Variants in ZNF853 observed in about 807,000 individuals in gnomAD.
The protein encoded by ZNF853 is zinc finger protein 853.
ZNF853 carries 57 observed loss-of-function variants against 94.7 expected under a neutral mutation model. The observed-to-expected ratio is 0.60, with a 90% confidence interval of 0.49 to 0.75. The LOEUF is 0.75. ZNF853 is among the 30% of genes least tolerant of loss of function. The pLI is 0.00. For synonymous variants in ZNF853, 448 were observed against 406.3 expected (o/e 1.10, Z -1.23); for missense variants, 785 against 868.9 (o/e 0.90, Z 1.21).
intron 2 of ZNF853, among the ~76,000 whole-genome samples, chr7:6,619,707 TG>T: frequency 6.6e-6 from 1 of 152,188 alleles, no homozygotes; most frequent in Non-Finnish European, 1.5e-5. Flanking sequence ...AAATCAGAGT[TG>T]GGAACGGAGA....
chr7:6,622,899 G>T lies in ZNF853; in HGVS notation c.1908G>T (p.Pro636=). The change falls in exon 3 of 3, where the codon CCG becomes CCT. Residue 636 remains proline, a synonymous_variant. Coordinates refer to ENST00000457543, the MANE Select transcript of ZNF853 (RefSeq NM_017560.3). ...TCGGCCTGCTGCGCGCCTCGCGGCC[G>T]GCGGCCCTCGGTGGCCCAGCCCGCG... ...RGLGLLRASR[P]AALGGPARAE... is the part of the protein sequence containing the mutation. 2.4e-6 allele frequency: 3 copies of T among 1,253,852 alleles called. No individual in the cohort carries two copies. Among genetic ancestry groups the T allele is most frequent in the South Asian group, 2.7e-5 (1 of 37,452 alleles). 77.7% of individuals were successfully genotyped at this position (1,253,852 alleles called of 1,614,324 possible).
chr7:6,623,622 C>G lies in ZNF853; in HGVS notation c.*651C>G, dbSNP rs1464868879. The G allele has an allele frequency of 7.4e-5, 24 of 325,598 alleles. No individual in the cohort carries two copies. The highest frequency in any genetic ancestry group is 8.1e-4 in the Middle Eastern group (1 of 1,228). 20.2% of individuals were successfully genotyped at this position (325,598 alleles called of 1,614,324 possible). A position where few individuals can be genotyped will look rare whatever the true frequency, so the allele number is the denominator to read the frequency against. On this transcript the variant is annotated 3_prime_UTR_variant, in exon 3 of 3. Coordinates refer to ENST00000457543, the MANE Select transcript of ZNF853 (RefSeq NM_017560.3). ...AAATCCAAGCCAGGAAGTCCTGCTC[C>G]GGGTGGAAGGTAAAACCTTCCCTCC...
At chr7:6,617,404 C>T in intron 2 of ZNF853, 97 bp downstream of exon 2, 2 of 1,003,078 alleles carry the variant, frequency 2.0e-6, no homozygotes, top group Non-Finnish European at 1.4e-6. Flanking sequence ...AGACTCACAC[C>T]AGCCAACCTC....
chr7:6,622,514 C>A lies in ZNF853; in HGVS notation c.1523C>A (p.Thr508Lys). 1 of 1,547,494 alleles carries A rather than the reference C, an allele frequency of 6.5e-7. No homozygotes were observed. Among genetic ancestry groups the A allele is most frequent in the Non-Finnish European group, 8.7e-7 (1 of 1,146,178 alleles). ...CTGGTGCGCCACCAGGCCACGCACA[C>A]GGGTGAGCGGCCACACCGCTGCGGC... ...TDLVRHQATH[T>K]GERPHRCGEC... Residue 508 changes from threonine (T) to lysine (K), a missense_variant, in exon 3 of 3, where the codon ACG (threonine) becomes AAG (lysine). Transcript: ENST00000457543.
At position 6,622,231 on chromosome 7, in the gene ZNF853, G is replaced by A. The variant is rs1039425104; in HGVS notation, c.1240G>A (p.Glu414Lys). The change falls in exon 3 of 3, where the codon GAA (glutamate) becomes AAA (lysine). Residue 414 changes from glutamate (E) to lysine (K), a missense_variant. Glu to Lys is a moderately conservative substitution (Grantham distance 56, BLOSUM62 1). Transcript: ENST00000457543. ...LTPVQPELQL[E>K]LVPAAGGGGA... is the part of the protein sequence containing the mutation. ...CCCCGTGCAGCCGGAGCTGCAGCTGGAACTGGTGCCAGCCGCAGGGGGCGG... is the reference window on the plus strand; with the variant it reads ...CCCCGTGCAGCCGGAGCTGCAGCTGAAACTGGTGCCAGCCGCAGGGGGCGG... The A allele has an allele frequency of 4.0e-5, 61 of 1,531,174 alleles. No homozygotes were observed. Among genetic ancestry groups the A allele is most frequent in the Non-Finnish European group, 5.2e-5 (60 of 1,143,178 alleles). 94.8% of individuals were successfully genotyped at this position (1,531,174 alleles called of 1,614,324 possible). A position where few individuals can be genotyped will look rare whatever the true frequency, so the allele number is the denominator to read the frequency against.
chr7:6,622,300 C>G lies in ZNF853; in HGVS notation c.1309C>G (p.Pro437Ala). Residue 437 changes from proline (P) to alanine (A), a missense_variant, in exon 3 of 3, where the codon CCC (proline) becomes GCC (alanine). Coordinates refer to ENST00000457543, the MANE Select transcript of ZNF853 (RefSeq NM_017560.3). ...PGAPAAVVVA[P>A]PGYVVVQELM... ...GGCTCCGGCCGCGGTCGTGGTGGCT[C>G]CCCCGGGCTACGTGGTGGTGCAGGA... 6.6e-7 allele frequency: 1 copy of G among 1,506,668 alleles called. No homozygotes were observed. The highest frequency in any genetic ancestry group is 8.8e-7 in the Non-Finnish European group (1 of 1,134,346). The allele number at this position is 1,506,668 out of a possible 1,614,324, so 93.3% of individuals were successfully genotyped here. A position where few individuals can be genotyped will look rare whatever the true frequency, so the allele number is the denominator to read the frequency against.
chr7:6,617,396 A>ACT, intron 2 of ZNF853, 89 bp downstream of exon 2: 2 of 1,090,600 alleles, frequency 1.8e-6, no homozygotes, highest in Non-Finnish European at 2.5e-6. Flanking sequence ...GCCTGCACAG[A>ACT]CTCACACCAG....
chr7:6,615,806 G>C lies in ZNF853; in HGVS notation c.-369G>C, dbSNP rs1215988590. On this transcript the variant is annotated 5_prime_UTR_variant, in exon 1 of 3. Coordinates refer to ENST00000457543, the MANE Select transcript of ZNF853 (RefSeq NM_017560.3). The surrounding 1 kb of genome is among the most constrained non-coding windows in gnomAD (Gnocchi z 8.5). ...CCTGGCCGCCGCCGACCCCAGGCGG[G>C]GCCACCCCGTGGTGCCGACCCCGGG... 6.4e-6 allele frequency: 1 copy of C among 155,980 alleles called. No homozygotes were observed. The highest frequency in any genetic ancestry group is 2.4e-5 in the African/African-American group (1 of 41,480). 9.7% of individuals were successfully genotyped at this position (155,980 alleles called of 1,614,324 possible). A position where few individuals can be genotyped will look rare whatever the true frequency, so the allele number is the denominator to read the frequency against.
At position 6,623,481 on chromosome 7, in the gene ZNF853, A is replaced by G. The variant is rs531370993; in HGVS notation, c.*510A>G. Reference sequence around the variant, plus strand: ...GACCAAGGCATCGAATCGTCCTCAGAGGCATTTGCCTTGAAAATACTTTCC... The same window carrying G: ...GACCAAGGCATCGAATCGTCCTCAGGGGCATTTGCCTTGAAAATACTTTCC... On this transcript the variant is annotated 3_prime_UTR_variant, in exon 3 of 3. Transcript: ENST00000457543. The G allele has an allele frequency of 2.5e-6, 1 of 397,664 alleles. No homozygotes were observed. Among genetic ancestry groups the G allele is most frequent in the African/African-American group, 2.1e-5 (1 of 48,746 alleles). The allele number at this position is 397,664 out of a possible 1,614,324, so 24.6% of individuals were successfully genotyped here.
rs1782643424 is a variant in ZNF853 at position 6,622,352 on chromosome 7, C to A, written c.1361C>A (p.Ala454Glu). Residue 454 changes from alanine to glutamate, a missense_variant, in exon 3 of 3, where the codon GCG (alanine) becomes GAG (glutamate). Coordinates refer to ENST00000457543, the MANE Select transcript of ZNF853 (RefSeq NM_017560.3). The stretch of plus-strand genomic sequence containing the variant: ...CTCATGGTGCTGCCCGCCGTGGCAG[C>A]GCCGGCCGTGGTGGCCATCCCGGGC... ...QELMVLPAVAAPAVVAIPGPA... is the reference protein window; with the variant it reads ...QELMVLPAVAEPAVVAIPGPA... The A allele has an allele frequency of 6.9e-7, 1 of 1,448,174 alleles. No homozygotes were observed. The highest frequency in any genetic ancestry group is 9.0e-7 in the Non-Finnish European group (1 of 1,108,720). 89.7% of individuals were successfully genotyped at this position (1,448,174 alleles called of 1,614,324 possible). A position where few individuals can be genotyped will look rare whatever the true frequency, so the allele number is the denominator to read the frequency against.
rs868133611 is a variant in ZNF853 at position 6,621,895 on chromosome 7, T to C, written c.904T>C (p.Leu302=). The C allele has an allele frequency of 5.9e-5, 92 of 1,550,818 alleles. No homozygotes were observed. The highest frequency in any genetic ancestry group is 7.4e-5 in the Non-Finnish European group (85 of 1,146,726). Residue 302 remains leucine (L), a synonymous_variant, in exon 3 of 3, where the codon TTG becomes CTG. Coordinates refer to ENST00000457543, the MANE Select transcript of ZNF853 (RefSeq NM_017560.3). ...GCTGTTGCAACAGCAGCAGGAACAATTGCAGCAGCAACAACTGCAGCCTCC... is the reference window on the plus strand; with the variant it reads ...GCTGTTGCAACAGCAGCAGGAACAACTGCAGCAGCAACAACTGCAGCCTCC... ...QQLLQQQQEQ[L]QQQQLQPPPL...
At position 6,622,756 on chromosome 7, in the gene ZNF853, C is replaced by A. The variant is rs1393322858; in HGVS notation, c.1765C>A (p.Arg589Ser). The change falls in exon 3 of 3, where the codon CGC (arginine) becomes AGC (serine). Residue 589 changes from arginine to serine, a missense_variant. Arg to Ser is a moderately radical substitution (Grantham distance 110, BLOSUM62 -1). Coordinates refer to ENST00000457543, the MANE Select transcript of ZNF853 (RefSeq NM_017560.3). The part of the protein sequence containing the change: ...SVSSNLLRHR[R>S]THSGERPYVC... ...CTCCTCCAACCTGCTGCGCCACCGG[C>A]GCACGCACTCGGGCGAGCGGCCCTA... The A allele has an allele frequency of 3.2e-6, 5 of 1,549,658 alleles. No homozygotes were observed. Among genetic ancestry groups the A allele is most frequent in the Non-Finnish European group, 4.3e-6 (5 of 1,150,348 alleles).
chr7:6,618,475 G>A, intron 2 of ZNF853, among the ~76,000 whole-genome samples: 2 of 152,118 alleles, frequency 1.3e-5, no homozygotes, highest in African/African-American at 2.4e-5. Flanking sequence ...TTGGGAAACC[G>A]AGGCAGGTGG....
rs1457437956 is a variant in ZNF853 at position 6,623,811 on chromosome 7, C to G, written c.*840C>G. The G allele has an allele frequency of 6.5e-6, 1 of 152,948 alleles. No homozygotes were observed. The allele number at this position is 152,948 out of a possible 1,614,324, so 9.5% of individuals were successfully genotyped here. The stretch of plus-strand genomic sequence containing the variant: ...TCCAAGGTCTGGAAGGAGGGTCCCC[C>G]AGAAGGAGCTCCGGGGTAGCCCCAC... On this transcript the variant is annotated 3_prime_UTR_variant, in exon 3 of 3. Transcript: ENST00000457543.
In ZNF853 at chr7:6,621,741, A is replaced by G; in HGVS notation, c.750A>G (p.Leu250=). ...QLLLLQQQGQ[L]QQQLLQQQQA... ...TATTGCTGCAGCAGCAGGGACAGTTACAGCAGCAACTGTTGCAGCAGCAGC... is the reference window on the plus strand; with the variant it reads ...TATTGCTGCAGCAGCAGGGACAGTTGCAGCAGCAACTGTTGCAGCAGCAGC... The change falls in exon 3 of 3, where the codon TTA becomes TTG. Residue 250 remains leucine (L), a synonymous_variant. Coordinates refer to ENST00000457543, the MANE Select transcript of ZNF853 (RefSeq NM_017560.3). 2.6e-6 allele frequency: 4 copies of G among 1,550,660 alleles called. No homozygotes were observed. Among genetic ancestry groups the G allele is most frequent in the Non-Finnish European group, 3.5e-6 (4 of 1,146,928 alleles).
chr7:6,620,633 C>T, intron 2 of ZNF853, among the ~76,000 whole-genome samples: 1 of 151,844 alleles, frequency 6.6e-6, no homozygotes, highest in South Asian at 2.1e-4. Flanking sequence ...CTCTCTCTCT[C>T]TCTTTTGAGA....
chr7:6,622,373 C>A lies in ZNF853; in HGVS notation c.1382C>A (p.Pro461Gln), dbSNP rs543529210. Residue 461 changes from proline (P) to glutamine (Q), a missense_variant, in exon 3 of 3, where the codon CCG (proline) becomes CAG (glutamine). By Grantham distance (76) the Pro-to-Gln change is moderately conservative. Coordinates refer to ENST00000457543, the MANE Select transcript of ZNF853 (RefSeq NM_017560.3). Reference sequence around the variant, plus strand: ...GCAGCGCCGGCCGTGGTGGCCATCCCGGGCCCGGCAGGCAGCGCGGCGTTG... The same window carrying A: ...GCAGCGCCGGCCGTGGTGGCCATCCAGGGCCCGGCAGGCAGCGCGGCGTTG... Reference protein sequence around the residue: ...AVAAPAVVAIPGPAGSAALTP... With the variant: ...AVAAPAVVAIQGPAGSAALTP... 8 of 1,408,310 alleles carry A rather than the reference C, an allele frequency of 5.7e-6. 1 individual carries two copies. In the South Asian group the frequency reaches 1.0e-4, roughly 18 times the overall value. The allele number at this position is 1,408,310 out of a possible 1,614,324, so 87.2% of individuals were successfully genotyped here. A position where few individuals can be genotyped will look rare whatever the true frequency, so the allele number is the denominator to read the frequency against.
In ZNF853 at chr7:6,623,359, G is replaced by A. The variant is rs1026605447; in HGVS notation, c.*388G>A. On this transcript the variant is annotated 3_prime_UTR_variant, in exon 3 of 3. Coordinates refer to ENST00000457543, the MANE Select transcript of ZNF853 (RefSeq NM_017560.3). The stretch of plus-strand genomic sequence containing the variant: ...TGGACACCCACCAGGGAATCAAGAC[G>A]TGGTGAGACACACGTGGAAAATCTT... 8 of 398,510 alleles carry A rather than the reference G, an allele frequency of 2.0e-5. No individual in the cohort carries two copies. The highest frequency in any genetic ancestry group is 1.2e-4 in the African/African-American group (6 of 48,624). The allele number at this position is 398,510 out of a possible 1,614,324, so 24.7% of individuals were successfully genotyped here.
At position 6,617,291 on chromosome 7, in the gene ZNF853, G is replaced by A. The variant is rs371760729; in HGVS notation, c.114G>A (p.Gly38=). The part of the protein sequence containing the change: ...ELQCLEDGGP[G]PDTLSGGSGG... ...AATGTCTTGAGGATGGGGGCCCAGG[G>A]CCTGACACCCTCTCAGGTGAGGGCC... is the stretch of plus-strand genomic sequence containing the variant. The change falls in exon 2 of 3, where the codon GGG becomes GGA. Residue 38 remains glycine (G), a synonymous_variant. Transcript: ENST00000457543. The A allele has an allele frequency of 4.7e-6, 7 of 1,495,564 alleles. No homozygotes were observed. In the African/African-American group the frequency reaches 5.6e-5, roughly 12 times the overall value. 92.6% of individuals were successfully genotyped at this position (1,495,564 alleles called of 1,614,324 possible). A position where few individuals can be genotyped will look rare whatever the true frequency, so the allele number is the denominator to read the frequency against.
Sources: gnomAD v4.1 joint callset for allele counts (sites outside exome capture counted in the v4.1 genomes callset) on GRCh38, gnomAD v4.1.1 for gene constraint, Gnocchi (gnomAD v3.1) non-coding constraint, MANE v1.5 for transcripts, NCBI Gene and HGNC (gene_info 2026-07-23, HGNC 2026-07-21) for gene names.